Variants in LAMA2 observed in about 807,000 individuals in gnomAD.
LAMA2 encodes the protein laminin subunit alpha 2.
A neutral mutation model predicts 364.8 loss-of-function variants in LAMA2; 269 were observed. The ratio of observed to expected loss-of-function variants is 0.74; its 90% CI spans 0.67 to 0.82. LAMA2 has a LOEUF of 0.82. LAMA2 is among the 40% of genes least tolerant of loss of function. The pLI is 0.00. For synonymous variants in LAMA2, 1,379 were observed against 1,370.6 expected (o/e 1.01, Z -0.14); for missense variants, 3,807 against 3,873.2 (o/e 0.98, Z 0.45).
chr6:129,216,705 T>G (rs941526111), intron 12 of LAMA2, among the ~76,000 whole-genome samples: 1 of 152,144 alleles, frequency 6.6e-6, no homozygotes, highest in Non-Finnish European at 1.5e-5. Context: ...AGAAAACTAA[T>G]ATGAAGTGCA....
chr6:129,381,713 GT>G, intron 34 of LAMA2, among the ~76,000 whole-genome samples: 1 of 152,118 alleles, frequency 6.6e-6, no homozygotes, highest in East Asian at 1.9e-4. Context: ...CATTATTAAT[GT>G]TTTAGAAGAA....
chr6:129,449,235 G>T (rs1782542313), intron 45 of LAMA2, among the ~76,000 whole-genome samples: 1 of 152,172 alleles, frequency 6.6e-6, no homozygotes, highest in African/African-American at 2.4e-5. Flanking sequence ...ACTTCATGCT[G>T]CTGTGACAGA....
intron 1 of LAMA2, among the ~76,000 whole-genome samples, chr6:129,033,447 A>C (rs1786382946): frequency 6.6e-6 from 1 of 152,092 alleles, no homozygotes; most frequent in Non-Finnish European, 1.5e-5. Context: ...GTCTCTTCTG[A>C]TATTTTTGTT....
chr6:129,255,723 A>C (rs1479448367), intron 14 of LAMA2, among the ~76,000 whole-genome samples: 2 of 152,206 alleles, frequency 1.3e-5, no homozygotes, highest in East Asian at 3.8e-4. Flanking sequence ...ATAATAAATA[A>C]TCTAGAAAAA....
intron 44 of LAMA2, among the ~76,000 whole-genome samples, chr6:129,444,493 A>G (rs1782271056): frequency 6.6e-6 from 1 of 152,222 alleles, no homozygotes; most frequent in African/African-American, 2.4e-5. Flanking sequence ...TTCTATCCAG[A>G]TAACATGCAT....
At chr6:129,044,414 G>A (rs1787323993) in intron 1 of LAMA2, among the ~76,000 whole-genome samples, 1 of 151,918 alleles carries the variant, frequency 6.6e-6, no homozygotes, top group East Asian at 1.9e-4. Context: ...ATTTGAGAAA[G>A]CAAATATGGT....
intron 1 of LAMA2, among the ~76,000 whole-genome samples, chr6:129,036,864 G>A (rs1050438645): frequency 1.3e-5 from 2 of 152,170 alleles, no homozygotes; most frequent in African/African-American, 4.8e-5. Context: ...TGTCAGGACA[G>A]CTATGGTTCA....
At chr6:129,505,631 C>A (rs769985062) in intron 61 of LAMA2, among the ~76,000 whole-genome samples, 16 of 152,106 alleles carry the variant, frequency 1.1e-4, no homozygotes, top group Non-Finnish European at 2.1e-4. Flanking sequence ...GCCTCAGCCT[C>A]CCTAGTAGCT....
intron 12 of LAMA2, among the ~76,000 whole-genome samples, chr6:129,228,337 C>T (rs1311700599): frequency 6.6e-6 from 1 of 152,108 alleles, no homozygotes; most frequent in Non-Finnish European, 1.5e-5. Flanking sequence ...AACCACTGTC[C>T]TGCACCCACT....
chr6:129,173,633 A>T (rs1026315381), intron 9 of LAMA2, among the ~76,000 whole-genome samples: 5 of 152,224 alleles, frequency 3.3e-5, no homozygotes, highest in Non-Finnish European at 7.3e-5. Context: ...TAATACTGTA[A>T]TTAGATACAT....
chr6:128,954,219 A>G (rs1303419105), intron 1 of LAMA2, among the ~76,000 whole-genome samples: 1 of 152,138 alleles, frequency 6.6e-6, no homozygotes, highest in Non-Finnish European at 1.5e-5. Flanking sequence ...GAAAGGAAAC[A>G]TAAACTCCAT....
chr6:129,132,604 T>G (rs928228946), intron 4 of LAMA2, among the ~76,000 whole-genome samples: 2 of 152,194 alleles, frequency 1.3e-5, no homozygotes, highest in African/African-American at 4.8e-5. Flanking sequence ...ACCTCTTTAT[T>G]GTGGATGGAA....
At chr6:129,198,065 AAAAT>A (rs1781955107) in intron 12 of LAMA2, among the ~76,000 whole-genome samples, 1 of 152,108 alleles carries the variant, frequency 6.6e-6, no homozygotes, top group African/African-American at 2.4e-5. Context: ...ACTCTTGAGA[AAAAT>A]AAAATAGCTT....
intron 20 of LAMA2, among the ~76,000 whole-genome samples, chr6:129,296,018 T>C (rs1458941463): frequency 6.6e-6 from 1 of 151,962 alleles, no homozygotes; most frequent in East Asian, 1.9e-4. Context: ...ATAGTATTTA[T>C]ATAGTTTCAT....
chr6:129,279,923 C>G (rs1206893315), intron 17 of LAMA2, 138 bp from the exon 18 acceptor site: 8 of 721,442 alleles, frequency 1.1e-5, no homozygotes, highest in Non-Finnish European at 2.0e-5. Context: ...AGACCCTAAT[C>G]TCTGTCTCTG....
chr6:129,107,631 T>C (rs1280179306), intron 4 of LAMA2, among the ~76,000 whole-genome samples: 1 of 152,132 alleles, frequency 6.6e-6, no homozygotes, highest in East Asian at 1.9e-4. Context: ...TAATAATAAA[T>C]GATGGCTAGC....
At chr6:128,998,480 G>C in intron 1 of LAMA2, among the ~76,000 whole-genome samples, 1 of 74,912 alleles carries the variant, frequency 1.3e-5, no homozygotes. Context: ...ATTTCCATCT[G>C]AGGTACCGGG....
rs776091439 is a variant in LAMA2, at chr6:129,192,664, G to A, written c.1609-16G>A. ...TATTTTTTAAAAATTAATGATGACT[G>A]TGTGTTTTCTCTAAGATACAAGATA... On this transcript the variant is annotated splice_polypyrimidine_tract_variant and intron_variant, in intron 11 of 64. Coordinates refer to ENST00000421865, the MANE Select transcript of LAMA2 (RefSeq NM_000426.4). 1 of 1,611,298 alleles carries A rather than the reference G, an allele frequency of 6.2e-7. No homozygotes were observed.
At chr6:129,342,489 A>G in intron 30 of LAMA2, 22 bp downstream of exon 30, 6 of 1,609,630 alleles carry the variant, frequency 3.7e-6, no homozygotes, top group South Asian at 1.1e-5. Flanking sequence ...AAATATAACC[A>G]TATTTCCCAA....
Sources: gnomAD v4.1 joint callset for allele counts (sites outside exome capture counted in the v4.1 genomes callset) on GRCh38, gnomAD v4.1.1 for gene constraint, MANE v1.5 for transcripts, NCBI Gene and HGNC (gene_info 2026-07-23, HGNC 2026-07-21) for gene names.